The following SDCBP variants were observed in gnomAD, a reference collection of about 807,000 sequenced individuals.
The protein encoded by SDCBP is syndecan binding protein, also known as syntenin-1.
SDCBP carries 22 observed loss-of-function variants against 30.5 expected under a neutral mutation model. The ratio of observed to expected loss-of-function variants is 0.72; its 90% CI spans 0.52 to 1.03. SDCBP has a LOEUF of 1.03. SDCBP is among the 50% of genes least tolerant of loss of function. SDCBP has a pLI of 0.00. For synonymous variants in SDCBP, 103 were observed against 118.7 expected, an observed-to-expected ratio of 0.87 and a Z score of 0.86; for missense variants, 304 against 369.9, an observed-to-expected ratio of 0.82 and a Z score of 1.46.
chr8:58,567,763 C>G (rs1563508898), intron 2 of SDCBP, among the ~76,000 whole-genome samples: 1 of 152,144 alleles, frequency 6.6e-6, no homozygotes, highest in Non-Finnish European at 1.5e-5. Flanking sequence ...ATGCTACAAA[C>G]CTGTATGATC....
intron 5 of SDCBP, among the ~76,000 whole-genome samples, chr8:58,577,009 T>G (rs2129608278): frequency 6.6e-6 from 1 of 152,348 alleles, no homozygotes; most frequent in East Asian, 1.9e-4. Context: ...GCTCTGACTT[T>G]GCTGCCCTTT....
At chr8:58,576,483 T>C (rs1805331464) in intron 5 of SDCBP, 1 of 154,000 alleles carries the variant, frequency 6.5e-6, no homozygotes, top group Admixed American at 6.5e-5. Context: ...GGTGTGATCT[T>C]GACTCACTGC....
intron 6 of SDCBP, among the ~76,000 whole-genome samples, chr8:58,578,874 G>T (rs1212600307): frequency 6.6e-6 from 1 of 152,168 alleles, no homozygotes; most frequent in African/African-American, 2.4e-5. Flanking sequence ...TGTTTCAGAT[G>T]AATGTCCTTT....
chr8:58,557,941 C>T (rs1208008580), intron 1 of SDCBP, among the ~76,000 whole-genome samples: 11 of 152,122 alleles, frequency 7.2e-5, no homozygotes, highest in Admixed American at 7.2e-4. Context: ...TAGTTACTTT[C>T]AGAATCCTCT....
chr8:58,564,802 A>G (rs1804616835), intron 1 of SDCBP, among the ~76,000 whole-genome samples: 1 of 152,216 alleles, frequency 6.6e-6, no homozygotes, highest in Non-Finnish European at 1.5e-5. Flanking sequence ...ATATAGTTCA[A>G]TAATACTATT....
At chr8:58,572,170 G>C in intron 3 of SDCBP, 35 bp from the exon 4 acceptor site, 2 of 1,296,992 alleles carry the variant, frequency 1.5e-6, no homozygotes, top group Non-Finnish European at 2.2e-6. Flanking sequence ...TGTGTATTCT[G>C]TAAGTGCTTT....
chr8:58,560,958 C>T (rs777342996), intron 1 of SDCBP: 3 of 152,170 alleles, frequency 2.0e-5, no homozygotes. Flanking sequence ...TTCAGACTAA[C>T]CACCATAAAC....
chr8:58,558,881 G>A (rs1349789290), intron 1 of SDCBP, among the ~76,000 whole-genome samples: 1 of 152,184 alleles, frequency 6.6e-6, no homozygotes, highest in Non-Finnish European at 1.5e-5. Flanking sequence ...CATGTGACCT[G>A]GGTGGCAAAT....
chr8:58,577,055 T>A (rs1007031135), intron 5 of SDCBP, among the ~76,000 whole-genome samples: 4 of 152,252 alleles, frequency 2.6e-5, no homozygotes, highest in Non-Finnish European at 4.4e-5. Context: ...ATACTGCTGC[T>A]CCTTCCGCCA....
chr8:58,573,437 G>A (rs992019857), intron 4 of SDCBP, among the ~76,000 whole-genome samples: 16 of 152,228 alleles, frequency 1.1e-4, no homozygotes, highest in African/African-American at 3.6e-4. Context: ...GGACATAGAT[G>A]TAATTGCAGA....
intron 4 of SDCBP, among the ~76,000 whole-genome samples, chr8:58,572,800 C>CTTTTTTTTTT (rs947602204): frequency 1.4e-4 from 12 of 83,142 alleles, no homozygotes; most frequent in East Asian, 4.4e-4. Flanking sequence ...TGCTCATAAT[C>CTTTTTTTTTT]TTTTTTTTTT....
chr8:58,555,027 G>A (rs1477594086), intron 1 of SDCBP, among the ~76,000 whole-genome samples: 1 of 152,122 alleles, frequency 6.6e-6, no homozygotes, highest in African/African-American at 2.4e-5. Flanking sequence ...CATATAAGCT[G>A]TATTTGCCTC....
rs370633085 is a variant in SDCBP at position 58,581,747 on chromosome 8, C to T, written c.*7C>T. ...CACCATTCCTGAGGTTTAAAATTCA[C>T]GGCACCATGGAAATGTAGCTGAACG... On this transcript the variant is annotated 3_prime_UTR_variant, in exon 9 of 9. Coordinates refer to ENST00000260130, the MANE Select transcript of SDCBP (RefSeq NM_005625.4). The T allele has an allele frequency of 5.0e-5, 80 of 1,609,742 alleles. No individual in the cohort carries two copies. In the African/African-American group the frequency reaches 5.1e-4, roughly 10 times the overall value.
At chr8:58,579,502 C>T (rs747796663) in intron 6 of SDCBP, 121 bp from the exon 7 acceptor site, 6 of 660,330 alleles carry the variant, frequency 9.1e-6, no homozygotes, top group South Asian at 4.9e-5. Flanking sequence ...CCATAAGTTG[C>T]TCTTATTAGA....
intron 4 of SDCBP, 79 bp from the exon 5 acceptor site, chr8:58,575,817 CTGAG>C: frequency 3.2e-6 from 4 of 1,269,062 alleles, no homozygotes; most frequent in Non-Finnish European, 4.4e-6. Context: ...AAAGCCAAAA[CTGAG>C]TAAGTTCCAG....
chr8:58,568,316 T>C (rs969500292), intron 2 of SDCBP, among the ~76,000 whole-genome samples: 1 of 152,068 alleles, frequency 6.6e-6, no homozygotes, highest in Non-Finnish European at 1.5e-5. Context: ...CTGCACAGGG[T>C]CAGGATCATC....
chr8:58,574,736 A>C (rs1585703940), intron 4 of SDCBP, among the ~76,000 whole-genome samples: 1 of 152,112 alleles, frequency 6.6e-6, no homozygotes, highest in Non-Finnish European at 1.5e-5. Flanking sequence ...TAAATTGTAT[A>C]TATTCAACTG....
At chr8:58,565,611 A>T (rs1190739678) in intron 2 of SDCBP, among the ~76,000 whole-genome samples, 1 of 152,140 alleles carries the variant, frequency 6.6e-6, no homozygotes, top group African/African-American at 2.4e-5. Context: ...TCTCTAAATG[A>T]CTGTGTAGAG....
In SDCBP at chr8:58,565,036, GTC is replaced by G. The variant is rs770879778; in HGVS notation, c.9_10del (p.Tyr4SerfsTer59). 2.3e-5 allele frequency: 36 copies of G among 1,584,972 alleles called. No individual in the cohort carries two copies. Among genetic ancestry groups the G allele is most frequent in the Non-Finnish European group, 3.1e-5 (36 of 1,161,620 alleles). On this transcript the variant is annotated frameshift_variant, in exon 2 of 9. Coordinates refer to ENST00000260130, the MANE Select transcript of SDCBP (RefSeq NM_005625.4). LOFTEE classifies it high-confidence loss of function. ...TTCTTTAGAAGAATCCTGCAAAAATGTCTCTCTATCCATCTCTCGAAGACTTG... is the reference window on the plus strand; with the variant it reads ...TTCTTTAGAAGAATCCTGCAAAAATGTCTCTATCCATCTCTCGAAGACTTG... MSLYPSLEDLKV... is the reference protein window; with the variant it reads MXLYPSLEDLKV...
Sources: allele counts gnomAD v4.1 joint callset (sites outside exome capture counted in the v4.1 genomes callset), GRCh38; gene constraint gnomAD v4.1.1; transcripts MANE v1.5; gene names NCBI Gene and HGNC (gene_info 2026-07-23, HGNC 2026-07-21).